Variants in JAKMIP1 observed in about 807,000 individuals in gnomAD.
JAKMIP1 encodes the protein janus kinase and microtubule-interacting protein 1.
Under a neutral mutation model 113.0 loss-of-function variants are expected in JAKMIP1, and 33 were observed. The observed-to-expected ratio is 0.29, with a 90% CI of 0.22 to 0.39. The LOEUF is 0.39. JAKMIP1 is among the 10% of genes least tolerant of loss of function. The probability of loss-of-function intolerance (pLI) is 1.00; values close to 1 mark genes in which losing one functional copy is unlikely to be tolerated. For missense variants in JAKMIP1, 813 were observed against 1,080.5 expected (o/e 0.75, Z 3.47); for synonymous variants, 480 against 459.9 (o/e 1.04, Z -0.56).
intron 3 of JAKMIP1, among the ~76,000 whole-genome samples, chr4:6,099,746 G>T (rs768857320): frequency 2.6e-5 from 4 of 152,032 alleles, no homozygotes; most frequent in Non-Finnish European, 2.9e-5. Context: ...AGCATTTTTG[G>T]TGGTACAGCC....
At position 6,051,360 on chromosome 4, in the gene JAKMIP1, T is replaced by C. The variant is rs371952281; in HGVS notation, c.1807-681A>G. ...GCCTCAGCCTCCCAAGTAGCTGGGATTACAGGCACGCGCCACCACACCGGG... is the reference window on the plus strand; with the variant it reads ...GCCTCAGCCTCCCAAGTAGCTGGGACTACAGGCACGCGCCACCACACCGGG... On this transcript the variant is annotated intron_variant, in intron 13 of 20. Transcript: ENST00000409021. The surrounding 1 kb of genome is among the most constrained non-coding windows in gnomAD (Gnocchi z 5.0). 3.3e-5 allele frequency among the ~76,000 whole-genome samples: 5 copies of C among 152,250 alleles called. No individual in the cohort carries two copies. In the East Asian group the frequency reaches 9.6e-4, roughly 29 times the overall value.
intron 8 of JAKMIP1, among the ~76,000 whole-genome samples, chr4:6,068,032 T>C (rs1718419617): frequency 6.6e-6 from 1 of 152,226 alleles, no homozygotes; most frequent in Non-Finnish European, 1.5e-5. Flanking sequence ...GCTGTGACCA[T>C]CCACGTCAGC....
At chr4:6,164,048 C>T (rs1404883335) in intron 1 of JAKMIP1, among the ~76,000 whole-genome samples, 2 of 152,210 alleles carry the variant, frequency 1.3e-5, no homozygotes, top group African/African-American at 2.4e-5. Context: ...CCAGAAGATC[C>T]AGCTAACATC....
chr4:6,174,609 G>A (rs1439167206), intron 1 of JAKMIP1, among the ~76,000 whole-genome samples: 2 of 152,120 alleles, frequency 1.3e-5, no homozygotes, highest in Non-Finnish European at 1.5e-5. Flanking sequence ...TGGAGAGGTC[G>A]CAACACTGCT....
Position 6,176,132 on chromosome 4 carries a change from A to G in JAKMIP1, c.-148+24121T>C, listed in dbSNP as rs1725319526. ...GAGTAGTCAGAGATCTAGTGAGAAG[A>G]AGGGACTACAAATCTCTAACAGGCT... On this transcript the variant is annotated intron_variant, in intron 1 of 20. Transcript: ENST00000409021. The surrounding 1 kb of genome is among the most constrained non-coding windows in gnomAD (Gnocchi z 5.5). Among the ~76,000 whole-genome samples, 2 of 152,218 alleles carry G rather than the reference A, an allele frequency of 1.3e-5. No individual in the cohort carries two copies. The highest frequency in any genetic ancestry group is 4.8e-5 in the African/African-American group (2 of 41,458).
chr4:6,128,383 G>T (rs1260513741), intron 1 of JAKMIP1, among the ~76,000 whole-genome samples: 1 of 152,142 alleles, frequency 6.6e-6, no homozygotes, highest in African/African-American at 2.4e-5. Flanking sequence ...GTGGACAGAA[G>T]GCCACCTGCT....
At position 6,157,800 on chromosome 4, in the gene JAKMIP1, C is replaced by A. The variant is rs1722429722; in HGVS notation, c.-148+42453G>T. On this transcript the variant is annotated intron_variant, in intron 1 of 20. Transcript: ENST00000409021. This position sits in a 1 kb window ranked among gnomAD's most constrained non-coding sequence, Gnocchi z 4.7. Reference sequence around the variant, plus strand: ...CACCCAGTAGGGTGTGAGTGAGGGACCGTAGAGTCGAGAATTCTGATGAAA... The same window carrying A: ...CACCCAGTAGGGTGTGAGTGAGGGAACGTAGAGTCGAGAATTCTGATGAAA... 6.6e-6 allele frequency among the ~76,000 whole-genome samples: 1 copy of A among 152,172 alleles called. No homozygotes were observed. Among genetic ancestry groups the A allele is most frequent in the Non-Finnish European group, 1.5e-5 (1 of 68,044 alleles).
chr4:6,124,433 C>A (rs1186223149), intron 1 of JAKMIP1, among the ~76,000 whole-genome samples: 1 of 152,340 alleles, frequency 6.6e-6, no homozygotes, highest in East Asian at 1.9e-4. Context: ...GCTTCCCCAA[C>A]CCTCAACATC....
Position 6,192,221 on chromosome 4 carries a change from C to G in JAKMIP1, c.-148+8032G>C, listed in dbSNP as rs1479732325. ...GTGCTGGGATTACAGGCGTGAGCCA[C>G]CGCGCCTGGCCAGGGTGTATTTTTC... On this transcript the variant is annotated intron_variant, in intron 1 of 20. Coordinates refer to ENST00000409021, the MANE Select transcript of JAKMIP1 (RefSeq NM_001099433.2). This position sits in a 1 kb window ranked among gnomAD's most constrained non-coding sequence, Gnocchi z 5.0. 6.6e-6 allele frequency among the ~76,000 whole-genome samples: 1 copy of G among 152,162 alleles called. No homozygotes were observed. The highest frequency in any genetic ancestry group is 1.5e-5 in the Non-Finnish European group (1 of 68,026).
chr4:6,053,834 G>T, intron 13 of JAKMIP1: 1 of 1,385,576 alleles, frequency 7.2e-7, no homozygotes. Context: ...CATGTCCATA[G>T]ACTTGGGTGA....
Position 6,166,524 on chromosome 4 carries a change from C to T in JAKMIP1, c.-148+33729G>A, listed in dbSNP as rs374654970. ...TGTGTGCAGGCCCAGGCGGCCAGGG[C>T]TCTCTACCTGAGGCCATAGGGGTAG... On this transcript the variant is annotated intron_variant, in intron 1 of 20. Coordinates refer to ENST00000409021, the MANE Select transcript of JAKMIP1 (RefSeq NM_001099433.2). 2.6e-5 allele frequency among the ~76,000 whole-genome samples: 4 copies of T among 152,366 alleles called. No individual in the cohort carries two copies. In the East Asian group the frequency reaches 5.8e-4, roughly 22 times the overall value.
Position 6,186,055 on chromosome 4 carries a change from G to A in JAKMIP1, c.-148+14198C>T, listed in dbSNP as rs1726622827. Among the ~76,000 whole-genome samples, 1 of 152,178 alleles carries A rather than the reference G, an allele frequency of 6.6e-6. No homozygotes were observed. The highest frequency in any genetic ancestry group is 1.5e-5 in the Non-Finnish European group (1 of 68,030). The stretch of plus-strand genomic sequence containing the variant: ...ATGGAGATGAAAGTGGACACAGCCA[G>A]CCACTCAACACAGTGTCTGGCTAGG... On this transcript the variant is annotated intron_variant, in intron 1 of 20. Coordinates refer to ENST00000409021, the MANE Select transcript of JAKMIP1 (RefSeq NM_001099433.2). This position sits in a 1 kb window ranked among gnomAD's most constrained non-coding sequence, Gnocchi z 5.5.
intron 16 of JAKMIP1, among the ~76,000 whole-genome samples, chr4:6,047,116 G>A (rs6837074): frequency 0.27 from 41,510 of 152,202 alleles, 9,319 homozygotes; most frequent in African/African-American, 0.62. Flanking sequence ...AGGATGCTCA[G>A]TGTCATGGCT....
chr4:6,084,155 T>C (rs1682717376), intron 5 of JAKMIP1, among the ~76,000 whole-genome samples: 1 of 151,880 alleles, frequency 6.6e-6, no homozygotes. Flanking sequence ...CTGCCTCTAC[T>C]AAATGTACAA....
chr4:6,109,662 T>C (rs973923125), intron 2 of JAKMIP1, among the ~76,000 whole-genome samples: 2 of 151,978 alleles, frequency 1.3e-5, no homozygotes, highest in African/African-American at 4.8e-5. Context: ...AGCCCAGGCA[T>C]GGAGCATGCA....
chr4:6,040,780 G>A lies in JAKMIP1; in HGVS notation c.2098-64C>T, dbSNP rs2108755424. ...AACAGGAATCCATGACAGCTTCAGA[G>A]CCCGTTTGCTAGAGAGTGGCAGTCT... On this transcript the variant is annotated intron_variant, in intron 17 of 20. Coordinates refer to ENST00000409021, the MANE Select transcript of JAKMIP1 (RefSeq NM_001099433.2). This position sits in a 1 kb window ranked among gnomAD's most constrained non-coding sequence, Gnocchi z 5.8. 6.1e-6 allele frequency: 8 copies of A among 1,322,258 alleles called. No homozygotes were observed. In the South Asian group the frequency reaches 8.5e-5, roughly 14 times the overall value. 81.9% of individuals were successfully genotyped at this position (1,322,258 alleles called of 1,614,324 possible). A position where few individuals can be genotyped will look rare whatever the true frequency, so the allele number is the denominator to read the frequency against.
At position 6,192,277 on chromosome 4, in the gene JAKMIP1, G is replaced by A. The variant is rs545134025; in HGVS notation, c.-148+7976C>T. 2.0e-5 allele frequency among the ~76,000 whole-genome samples: 3 copies of A among 152,260 alleles called. No homozygotes were observed. The highest frequency in any genetic ancestry group is 3.9e-4 in the East Asian group (2 of 5,178). ...CAGTCCATCTCAGTCCACAGGAGCC[G>A]CATTGCAGTGCTCAATAGCCCCTAC... On this transcript the variant is annotated intron_variant, in intron 1 of 20. Transcript: ENST00000409021. The surrounding 1 kb of genome is among the most constrained non-coding windows in gnomAD (Gnocchi z 5.0).
Position 6,084,967 on chromosome 4 carries a change from TAAAAAAAAAA to T in JAKMIP1, c.835-12_835-3del. The stretch of plus-strand genomic sequence containing the variant: ...ATCTCGCTCGTCCATATGTTGATCC[TAAAAAAAAAA>T]AAAAAAAAAAAAAAAAAGTCAAGAC... On this transcript the variant is annotated splice_region_variant and splice_polypyrimidine_tract_variant and intron_variant, in intron 4 of 20. Coordinates refer to ENST00000409021, the MANE Select transcript of JAKMIP1 (RefSeq NM_001099433.2). 7.1e-5 allele frequency: 27 copies of T among 377,706 alleles called. No individual in the cohort carries two copies. The highest frequency in any genetic ancestry group is 3.3e-4 in the Admixed American group (2 of 6,012). 23.4% of individuals were successfully genotyped at this position (377,706 alleles called of 1,614,324 possible).
At chr4:6,123,445 C>T (rs1716980323) in intron 1 of JAKMIP1, among the ~76,000 whole-genome samples, 1 of 152,194 alleles carries the variant, frequency 6.6e-6, no homozygotes. Flanking sequence ...AAAGATTTTC[C>T]AGAAAGCAAA....
Sources: allele counts gnomAD v4.1 joint callset (sites outside exome capture counted in the v4.1 genomes callset), GRCh38; gene constraint gnomAD v4.1.1; non-coding constraint Gnocchi (gnomAD v3.1); transcripts MANE v1.5; gene names NCBI Gene and HGNC (gene_info 2026-07-23, HGNC 2026-07-21).